DCLK3: variants seen among roughly 807,000 people sequenced by gnomAD.
DCLK3 encodes the protein serine/threonine-protein kinase DCLK3.
In DCLK3, 30 loss-of-function variants were observed where a neutral mutation model predicts 46.4. That is an observed-to-expected ratio of 0.65 (90% CI 0.48 to 0.88). The LOEUF is 0.88. Among genes scored for constraint, DCLK3 ranks in the 40% least tolerant of loss-of-function variants. DCLK3 has a pLI of 0.00. For synonymous variants in DCLK3, 401 were observed against 339.2 expected, an observed-to-expected ratio of 1.18 and a Z score of -2.00; for missense variants, 846 against 907.1, an observed-to-expected ratio of 0.93 and a Z score of 0.87.
chr3:36,737,277 T>A lies in DCLK3; in HGVS notation c.1890A>T (p.Leu630Phe). The A allele has an allele frequency of 6.2e-7, 1 of 1,614,194 alleles. No homozygotes were observed. Among genetic ancestry groups the A allele is most frequent in the East Asian group, 2.2e-5 (1 of 44,878 alleles). Residue 630 changes from leucine (L) to phenylalanine (F), a missense_variant, in exon 2 of 5, where the codon TTA (leucine) becomes TTT (phenylalanine). Coordinates refer to ENST00000636136, the MANE Select transcript of DCLK3 (RefSeq NM_001394672.2). This position sits in a 1 kb window ranked among gnomAD's most constrained non-coding sequence, Gnocchi z 4.4. ...CGTGCATGTGGACGAGGGCTTTGCA[T>A]AAGTCCATGATCATGAGGGCAGCAT... ...EPDAALMIMD[L>F]CKALVHMHDK... is the part of the protein sequence containing the mutation.
intron 1 of DCLK3, among the ~76,000 whole-genome samples, chr3:36,740,535 T>C (rs1701333663): frequency 6.6e-6 from 1 of 152,178 alleles, no homozygotes; most frequent in Non-Finnish European, 1.5e-5. Flanking sequence ...ATTTAAAAAA[T>C]GTAAAGAAAC....
In DCLK3 at chr3:36,764,353, C is replaced by T; in HGVS notation, c.-90G>A. The T allele has an allele frequency of 5.0e-6, 1 of 199,454 alleles. No individual in the cohort carries two copies. Among genetic ancestry groups the T allele is most frequent in the Non-Finnish European group, 1.0e-5 (1 of 99,540 alleles). 12.4% of individuals were successfully genotyped at this position (199,454 alleles called of 1,614,324 possible). ...GTCGAGCAGGCGCGGGAAGGCGGGG[C>T]GAGACGAGCAGCCACGAGCCCGCGC... is the stretch of plus-strand genomic sequence containing the variant. On this transcript the variant is annotated 5_prime_UTR_variant, in exon 1 of 5. Transcript: ENST00000636136. This position sits in a 1 kb window ranked among gnomAD's most constrained non-coding sequence, Gnocchi z 4.9.
At position 36,754,724 on chromosome 3, in the gene DCLK3, A is replaced by G. The variant is rs114596459; in HGVS notation, c.82+9458T>C. On this transcript the variant is annotated intron_variant, in intron 1 of 4. Transcript: ENST00000636136. ...ACATGTTCTGTGATGGAGAAAACCT[A>G]TGATTGCTACCACATAGCCAACTCC... Among the ~76,000 whole-genome samples the G allele has an allele frequency of 5.4e-3, 828 of 152,302 alleles. 11 individuals carry two copies. The highest frequency in any genetic ancestry group is 0.019 in the African/African-American group (791 of 41,560).
rs1010436655 is a variant in DCLK3 at position 36,715,153 on chromosome 3, G to T, written c.*175C>A. 7.0e-6 allele frequency: 5 copies of T among 710,618 alleles called. No individual in the cohort carries two copies. Among genetic ancestry groups the T allele is most frequent in the Non-Finnish European group, 8.8e-6 (4 of 453,048 alleles). The allele number at this position is 710,618 out of a possible 1,614,324, so 44.0% of individuals were successfully genotyped here. A position where few individuals can be genotyped will look rare whatever the true frequency, so the allele number is the denominator to read the frequency against. On this transcript the variant is annotated 3_prime_UTR_variant, in exon 5 of 5. Coordinates refer to ENST00000636136, the MANE Select transcript of DCLK3 (RefSeq NM_001394672.2). ...AAATATACAAATCTAAAAATATGTTGTGACATTTAACATTGACTTAATTTT... is the reference window on the plus strand; with the variant it reads ...AAATATACAAATCTAAAAATATGTTTTGACATTTAACATTGACTTAATTTT...
chr3:36,761,676 A>C lies in DCLK3; in HGVS notation c.82+2506T>G, dbSNP rs543769692. ...ACAATGACCCTCCTGGATCCAAGGAAAGGAAAACGTCTTCAAGCAAGAGCC... is the reference window on the plus strand; with the variant it reads ...ACAATGACCCTCCTGGATCCAAGGACAGGAAAACGTCTTCAAGCAAGAGCC... On this transcript the variant is annotated intron_variant, in intron 1 of 4. Coordinates refer to ENST00000636136, the MANE Select transcript of DCLK3 (RefSeq NM_001394672.2). Among the ~76,000 whole-genome samples, 7 of 152,256 alleles carry C rather than the reference A, an allele frequency of 4.6e-5. No individual in the cohort carries two copies. The South Asian group carries it at 1.5e-3, about 32-fold the overall frequency.
At chr3:36,729,516 G>A (rs769892310) in intron 2 of DCLK3, among the ~76,000 whole-genome samples, 6 of 152,152 alleles carry the variant, frequency 3.9e-5, no homozygotes, top group Non-Finnish European at 8.8e-5. Context: ...CATTATTTAC[G>A]TAGGCATTCA....
chr3:36,734,721 GTC>G (rs147153084), intron 2 of DCLK3, among the ~76,000 whole-genome samples: 6 of 150,322 alleles, frequency 4.0e-5, no homozygotes, highest in Non-Finnish European at 5.9e-5. Flanking sequence ...TTCTCTCTCT[GTC>G]TCTCTCTCTC....
intron 2 of DCLK3, among the ~76,000 whole-genome samples, chr3:36,730,970 G>A (rs1243124973): frequency 1.3e-5 from 2 of 152,022 alleles, no homozygotes; most frequent in Non-Finnish European, 2.9e-5. Flanking sequence ...GAGCTGAATG[G>A]CTGGAGAGTG....
Position 36,738,542 on chromosome 3 carries a change from TC to T in DCLK3, c.624del (p.Arg209GlyfsTer9). ...AQHSRAPSPR[L>X]RSRLFSKALK... ...AGAGCCTTGCTAAACAGCCTGCTCCTCAGCCTTGGAGAAGGGGCACGGCTGT... is the reference window on the plus strand; with the variant it reads ...AGAGCCTTGCTAAACAGCCTGCTCCTAGCCTTGGAGAAGGGGCACGGCTGT... On this transcript the variant is annotated frameshift_variant, in exon 2 of 5. Transcript: ENST00000636136. LOFTEE classifies it high-confidence loss of function. 6.6e-7 allele frequency: 1 copy of T among 1,507,494 alleles called. No homozygotes were observed. The highest frequency in any genetic ancestry group is 1.4e-5 in the South Asian group (1 of 72,900). 93.4% of individuals were successfully genotyped at this position (1,507,494 alleles called of 1,614,324 possible). A position where few individuals can be genotyped will look rare whatever the true frequency, so the allele number is the denominator to read the frequency against.
chr3:36,748,436 A>T (rs1214836725), intron 1 of DCLK3, among the ~76,000 whole-genome samples: 1 of 152,200 alleles, frequency 6.6e-6, no homozygotes, highest in Non-Finnish European at 1.5e-5. Flanking sequence ...GAGGAGGACC[A>T]GCCACCTGCC....
intron 2 of DCLK3, among the ~76,000 whole-genome samples, chr3:36,723,921 C>T (rs897946338): frequency 6.6e-6 from 1 of 152,190 alleles, no homozygotes; most frequent in Admixed American, 6.5e-5. Flanking sequence ...CACTGTCCTC[C>T]AGCCTTCAGA....
intron 1 of DCLK3, among the ~76,000 whole-genome samples, chr3:36,750,195 C>G (rs1472831465): frequency 6.6e-6 from 1 of 152,168 alleles, no homozygotes; most frequent in African/African-American, 2.4e-5. Flanking sequence ...ACTCTCCTGC[C>G]TCACCCTCCC....
chr3:36,745,614 G>A (rs1401563103), intron 1 of DCLK3, among the ~76,000 whole-genome samples: 1 of 152,154 alleles, frequency 6.6e-6, no homozygotes, highest in African/African-American at 2.4e-5. Flanking sequence ...ATTTCTTTGT[G>A]GTTTCAGCAG....
chr3:36,738,206 G>A lies in DCLK3; in HGVS notation c.961C>T (p.Leu321=). The stretch of plus-strand genomic sequence containing the variant: ...CCCAGAGAAAGCCTCTCACGCTCCA[G>A]GCTCTGCTGGAGCTCCCTCTCTCTC... ...CKRERELQQS[L]ERERLSLGTS... is the part of the protein sequence containing the mutation. Residue 321 remains leucine, a synonymous_variant, in exon 2 of 5, where the codon CTG becomes TTG. Coordinates refer to ENST00000636136, the MANE Select transcript of DCLK3 (RefSeq NM_001394672.2). The A allele has an allele frequency of 6.2e-7, 1 of 1,610,752 alleles. No homozygotes were observed. Among genetic ancestry groups the A allele is most frequent in the Non-Finnish European group, 8.5e-7 (1 of 1,179,154 alleles).
intron 2 of DCLK3, among the ~76,000 whole-genome samples, chr3:36,732,103 C>T (rs1701206453): frequency 6.6e-6 from 1 of 152,156 alleles, no homozygotes; most frequent in Non-Finnish European, 1.5e-5. Flanking sequence ...ACCAAATGAC[C>T]TGAACTTCAG....
chr3:36,749,306 G>C (rs1024198071), intron 1 of DCLK3, among the ~76,000 whole-genome samples: 1 of 152,210 alleles, frequency 6.6e-6, no homozygotes, highest in Non-Finnish European at 1.5e-5. Context: ...CAGCTGACTG[G>C]ATGCTCACAA....
At position 36,737,702 on chromosome 3, in the gene DCLK3, T is replaced by C; in HGVS notation, c.1465A>G (p.Lys489Glu). The change falls in exon 2 of 5, where the codon AAG (lysine) becomes GAG (glutamate). Residue 489 changes from lysine (K) to glutamate (E), a missense_variant. Physicochemically the swap from Lys to Glu is moderately conservative, Grantham distance 56. Around this residue, in one of 3 missense-constraint regions of DCLK3, gnomAD observed 553 missense variants for 543.0 expected, o/e 1.02. Transcript: ENST00000636136. This position sits in a 1 kb window ranked among gnomAD's most constrained non-coding sequence, Gnocchi z 4.4. Reference protein sequence around the residue: ...RMTLRDDQPAKLEKEPKTRPE... With the variant: ...RMTLRDDQPAELEKEPKTRPE... Reference sequence around the variant, plus strand: ...CTCGTCTTGGGCTCCTTTTCTAGCTTTGCAGGTTGGTCATCTCTGAGAGTC... The same window carrying C: ...CTCGTCTTGGGCTCCTTTTCTAGCTCTGCAGGTTGGTCATCTCTGAGAGTC... 6.2e-7 allele frequency: 1 copy of C among 1,613,970 alleles called. No individual in the cohort carries two copies. Among genetic ancestry groups the C allele is most frequent in the East Asian group, 2.2e-5 (1 of 44,884 alleles).
intron 4 of DCLK3, 108 bp from the exon 5 acceptor site, chr3:36,715,629 G>T: frequency 8.1e-7 from 1 of 1,230,632 alleles, no homozygotes; most frequent in Non-Finnish European, 1.1e-6. Flanking sequence ...ACCACGGCTG[G>T]CTGAAAGCCT....
intron 2 of DCLK3, among the ~76,000 whole-genome samples, chr3:36,736,870 G>C (rs1701269305): frequency 6.6e-6 from 1 of 152,050 alleles, no homozygotes. Flanking sequence ...AGCCTCGAGG[G>C]GAAGCTGCCA....
Sources: gnomAD v4.1 joint callset for allele counts (sites outside exome capture counted in the v4.1 genomes callset) on GRCh38, gnomAD v4.1.1 for gene constraint, gnomAD v4.1.1 regional missense constraint, Gnocchi (gnomAD v3.1) non-coding constraint, MANE v1.5 for transcripts, NCBI Gene and HGNC (gene_info 2026-07-23, HGNC 2026-07-21) for gene names.